Variants in PTPRK observed in about 807,000 individuals in gnomAD.
The protein encoded by PTPRK is protein tyrosine phosphatase receptor type K.
In PTPRK, 75 loss-of-function variants were observed where a neutral mutation model predicts 178.0. The observed-to-expected ratio is 0.42, with a 90% CI of 0.35 to 0.51. The LOEUF (loss-of-function observed/expected upper bound fraction) is 0.51. Among genes scored for constraint, PTPRK ranks in the 20% least tolerant of loss-of-function variants. PTPRK has a pLI of 0.02. For missense variants in PTPRK, 1,441 were observed against 1,797.8 expected, an observed-to-expected ratio of 0.80 and a Z score of 3.59; for synonymous variants, 637 against 620.6, an observed-to-expected ratio of 1.03 and a Z score of -0.39.
intron 3 of PTPRK, among the ~76,000 whole-genome samples, chr6:128,305,619 A>G (rs113799031): frequency 2.9e-4 from 44 of 152,332 alleles, no homozygotes; most frequent in African/African-American, 7.9e-4. Flanking sequence ...AAGAAAGGCT[A>G]TCCATGCAGG....
chr6:128,016,837 T>A (rs1182394304), intron 13 of PTPRK, among the ~76,000 whole-genome samples: 2 of 143,842 alleles, frequency 1.4e-5, no homozygotes, highest in African/African-American at 5.2e-5. Flanking sequence ...GCATAACTTT[T>A]GAATTGATCC....
intron 13 of PTPRK, among the ~76,000 whole-genome samples, chr6:128,035,536 C>T (rs1216790912): frequency 6.6e-6 from 1 of 152,024 alleles, no homozygotes; most frequent in Non-Finnish European, 1.5e-5. Flanking sequence ...TGAAGATATA[C>T]TCATAAAAAT....
At chr6:128,048,672 G>A (rs1180060469) in intron 13 of PTPRK, among the ~76,000 whole-genome samples, 1 of 152,164 alleles carries the variant, frequency 6.6e-6, no homozygotes, top group Non-Finnish European at 1.5e-5. Flanking sequence ...TGCATCCGAA[G>A]AGTCAAACAA....
intron 2 of PTPRK, among the ~76,000 whole-genome samples, chr6:128,335,457 A>G: frequency 6.6e-6 from 1 of 150,714 alleles, no homozygotes; most frequent in African/African-American, 2.5e-5. Context: ...AAAAAAAAAA[A>G]AATGAGAGAC....
chr6:127,999,639 C>T (rs1777564859), intron 15 of PTPRK, among the ~76,000 whole-genome samples: 1 of 152,040 alleles, frequency 6.6e-6, no homozygotes, highest in African/African-American at 2.4e-5. Flanking sequence ...CTGGCCCCTC[C>T]AGGTTGAGTT....
At position 128,124,129 on chromosome 6, in the gene PTPRK, C is replaced by T. The variant is rs551259912; in HGVS notation, c.1163-34137G>A. ...CAACATCTCAGCTCACTGCAACCTC[C>T]GCCTCCCAGGTTCAAGCAATGCTCC... On this transcript the variant is annotated intron_variant, in intron 7 of 29. Coordinates refer to ENST00000368226, the MANE Select transcript of PTPRK (RefSeq NM_002844.4). Among the ~76,000 whole-genome samples, 34 of 151,988 alleles carry T rather than the reference C, an allele frequency of 2.2e-4. 1 individual carries two copies. In the South Asian group the frequency reaches 6.2e-3, roughly 28 times the overall value.
intron 2 of PTPRK, among the ~76,000 whole-genome samples, chr6:128,372,921 CA>C (rs1332909605): frequency 1.3e-5 from 2 of 150,846 alleles, no homozygotes; most frequent in African/African-American, 4.9e-5. Context: ...CTCTGATATA[CA>C]TGAGTATGTG....
intron 7 of PTPRK, among the ~76,000 whole-genome samples, chr6:128,137,153 T>C (rs921690407): frequency 2.6e-5 from 4 of 152,190 alleles, no homozygotes; most frequent in African/African-American, 7.2e-5. Flanking sequence ...CTAAAACAGA[T>C]AGGTACTTGC....
chr6:128,210,030 G>T (rs1055348183), intron 6 of PTPRK, among the ~76,000 whole-genome samples: 1 of 152,150 alleles, frequency 6.6e-6, no homozygotes. Flanking sequence ...TCTGGCTTCT[G>T]TGTGAAGACT....
chr6:128,130,739 A>G (rs958246882), intron 7 of PTPRK, among the ~76,000 whole-genome samples: 4 of 152,160 alleles, frequency 2.6e-5, no homozygotes, highest in African/African-American at 9.7e-5. Flanking sequence ...TGACCAGAAA[A>G]TGGAATGGTT....
intron 1 of PTPRK, among the ~76,000 whole-genome samples, chr6:128,416,022 C>G (rs191199843): frequency 1.3e-5 from 2 of 152,184 alleles, no homozygotes; most frequent in African/African-American, 4.8e-5. Flanking sequence ...AGTGAAGTAT[C>G]AGTACTACAC....
chr6:127,993,323 AT>A (rs57635892), intron 18 of PTPRK, among the ~76,000 whole-genome samples: 5,042 of 151,792 alleles, frequency 0.033, 123 homozygotes, highest in South Asian at 0.071. Context: ...GGAAAGAAGA[AT>A]TTTTAAAAAT....
chr6:128,305,977 A>C (rs1050291322), intron 3 of PTPRK, among the ~76,000 whole-genome samples: 1 of 152,232 alleles, frequency 6.6e-6, no homozygotes, highest in African/African-American at 2.4e-5. Flanking sequence ...CGAAGCAGAT[A>C]TCTTCTTCAC....
At chr6:128,372,355 G>T (rs1471659904) in intron 2 of PTPRK, among the ~76,000 whole-genome samples, 1 of 152,170 alleles carries the variant, frequency 6.6e-6, no homozygotes, top group Non-Finnish European at 1.5e-5. Flanking sequence ...GAAAGGAAAT[G>T]ATTTTTTTAA....
At position 128,111,865 on chromosome 6, in the gene PTPRK, C is replaced by G. The variant is rs139834923; in HGVS notation, c.1163-21873G>C. Reference sequence around the variant, plus strand: ...TGTCTCTACTACTGGAGTGAGGGCACTTCTCATTTCTTTTCTATTTTTATA... The same window carrying G: ...TGTCTCTACTACTGGAGTGAGGGCAGTTCTCATTTCTTTTCTATTTTTATA... On this transcript the variant is annotated intron_variant, in intron 7 of 29. Coordinates refer to ENST00000368226, the MANE Select transcript of PTPRK (RefSeq NM_002844.4). 1.3e-3 allele frequency among the ~76,000 whole-genome samples: 203 copies of G among 151,998 alleles called. 2 individuals are homozygous for G. The highest frequency in any genetic ancestry group is 4.6e-3 in the African/African-American group (191 of 41,496).
intron 7 of PTPRK, among the ~76,000 whole-genome samples, chr6:128,096,902 C>T (rs766569142): frequency 4.6e-5 from 7 of 152,308 alleles, no homozygotes; most frequent in Admixed American, 2.6e-4. Flanking sequence ...AACAGTGCTG[C>T]ACCTTGGGGA....
At chr6:128,458,106 T>A (rs568358250) in intron 1 of PTPRK, among the ~76,000 whole-genome samples, 1 of 152,162 alleles carries the variant, frequency 6.6e-6, no homozygotes, top group Non-Finnish European at 1.5e-5. Flanking sequence ...ATGGTCTCCA[T>A]AGGGACTTGA....
chr6:128,512,118 C>T (rs570782264), intron 1 of PTPRK, among the ~76,000 whole-genome samples: 2 of 152,136 alleles, frequency 1.3e-5, no homozygotes, highest in Admixed American at 6.5e-5. Flanking sequence ...TGAAGATATA[C>T]GAAAGTGCCC....
intron 6 of PTPRK, among the ~76,000 whole-genome samples, chr6:128,204,414 T>C (rs189066500): frequency 4.5e-4 from 69 of 151,994 alleles, no homozygotes; most frequent in Admixed American, 2.9e-3. Context: ...AAAGCAAAAA[T>C]TGACAAATGG....
Sources: allele counts gnomAD v4.1 joint callset (sites outside exome capture counted in the v4.1 genomes callset), GRCh38; gene constraint gnomAD v4.1.1; transcripts MANE v1.5; gene names NCBI Gene and HGNC (gene_info 2026-07-23, HGNC 2026-07-21).